Variants in DCUN1D2 observed in about 807,000 individuals in gnomAD.
The protein encoded by DCUN1D2 is DCN1-like protein 2.
A neutral mutation model predicts 30.9 loss-of-function variants in DCUN1D2; 29 were observed. The ratio of observed to expected loss-of-function variants is 0.94; its 90% CI spans 0.70 to 1.28. The LOEUF (loss-of-function observed/expected upper bound fraction) is 1.28. Ranked by LOEUF, DCUN1D2 falls within the 50% of genes most tolerant of loss-of-function variation. DCUN1D2 has a pLI of 0.00. For synonymous variants in DCUN1D2, 121 were observed against 115.3 expected (o/e 1.05, Z -0.32); for missense variants, 325 against 316.9 (o/e 1.03, Z -0.19).
At chr13:113,459,737 T>A (rs2044288265) in intron 5 of DCUN1D2, among the ~76,000 whole-genome samples, 1 of 152,346 alleles carries the variant, frequency 6.6e-6, no homozygotes, top group African/African-American at 2.4e-5. Context: ...GAACAGCTCA[T>A]AAGCTTGTCT....
intron 3 of DCUN1D2, chr13:113,475,340 T>C (rs576386690): frequency 6.6e-6 from 1 of 152,226 alleles, no homozygotes; most frequent in Non-Finnish European, 1.5e-5. Flanking sequence ...AGACACAGAC[T>C]TACCATTGTG....
intron 4 of DCUN1D2, among the ~76,000 whole-genome samples, chr13:113,471,281 CCAACTCCACAGAAGACA>C (rs1373274886): frequency 1.4e-3 from 211 of 149,720 alleles, no homozygotes; most frequent in African/African-American, 3.2e-3. Context: ...CACAGGGGAC[CCAACTCCACAGAAGACA>C]CAACTCCACA....
chr13:113,464,606 G>T (rs1366852503), intron 4 of DCUN1D2, among the ~76,000 whole-genome samples: 5 of 152,270 alleles, frequency 3.3e-5, no homozygotes, highest in Non-Finnish European at 7.3e-5. Flanking sequence ...GCAGTTGGAC[G>T]TTGCTGCGGG....
At chr13:113,472,633 A>G (rs753734826) in intron 4 of DCUN1D2, among the ~76,000 whole-genome samples, 1 of 152,158 alleles carries the variant, frequency 6.6e-6, no homozygotes, top group Non-Finnish European at 1.5e-5. Flanking sequence ...GGCACCCAAC[A>G]CCAGGAGACA....
intron 4 of DCUN1D2, among the ~76,000 whole-genome samples, chr13:113,473,780 G>A (rs980325819): frequency 5.3e-5 from 8 of 152,206 alleles, no homozygotes; most frequent in African/African-American, 1.9e-4. Flanking sequence ...AAGAATGCCT[G>A]AGCTCAGGAG....
intron 1 of DCUN1D2, among the ~76,000 whole-genome samples, chr13:113,487,514 T>C (rs934600698): frequency 1.3e-5 from 2 of 152,018 alleles, no homozygotes; most frequent in African/African-American, 2.4e-5. Context: ...CTGCACAGTG[T>C]ACGACTCCAG....
intron 1 of DCUN1D2, chr13:113,489,035 C>T (rs776761030): frequency 5.2e-5 from 40 of 765,002 alleles, no homozygotes; most frequent in Non-Finnish European, 4.8e-5. Flanking sequence ...ACCAAGGATA[C>T]CCATATGTAA....
chr13:113,467,517 A>AT (rs1300194223), intron 4 of DCUN1D2, among the ~76,000 whole-genome samples: 43 of 151,066 alleles, frequency 2.8e-4, no homozygotes, highest in African/African-American at 9.5e-4. Context: ...AAAAAAGGAG[A>AT]TTTTTAGTCC....
chr13:113,479,981 ACCACTGTTGTATAAGCGGT>A (rs971469749), intron 3 of DCUN1D2, among the ~76,000 whole-genome samples: 10 of 152,204 alleles, frequency 6.6e-5, no homozygotes, highest in African/African-American at 2.2e-4. Flanking sequence ...ACCTTACGGG[ACCACTGTTGTATAAGCGGT>A]CCACTGTTGA....
At chr13:113,466,037 C>T (rs1214692673) in intron 4 of DCUN1D2, among the ~76,000 whole-genome samples, 1 of 152,108 alleles carries the variant, frequency 6.6e-6, no homozygotes, top group Non-Finnish European at 1.5e-5. Flanking sequence ...AGGTGTGTGC[C>T]ACCAGACTCA....
At chr13:113,458,420 G>C (rs79244574) in intron 6 of DCUN1D2, among the ~76,000 whole-genome samples, 7,307 of 152,226 alleles carry the variant, frequency 0.048, 610 homozygotes, top group African/African-American at 0.17. Context: ...GGACCCCCGC[G>C]GAGCAGGAGG....
At chr13:113,469,182 G>C (rs2044461942) in intron 4 of DCUN1D2, among the ~76,000 whole-genome samples, 1 of 150,408 alleles carries the variant, frequency 6.6e-6, no homozygotes, top group African/African-American at 2.4e-5. Flanking sequence ...ACAGCCAAGA[G>C]GGAGCACCAT....
chr13:113,467,635 C>T (rs190047832), intron 4 of DCUN1D2, among the ~76,000 whole-genome samples: 29 of 152,234 alleles, frequency 1.9e-4, no homozygotes, highest in African/African-American at 6.5e-4. Flanking sequence ...GTTGGATGCT[C>T]AGCTTCGTTG....
chr13:113,480,389 G>C (rs2044687753), intron 3 of DCUN1D2, 186 bp downstream of exon 3: 1 of 472,192 alleles, frequency 2.1e-6, no homozygotes. Flanking sequence ...ATGAAATAAA[G>C]TGTTAAATTG....
At position 113,490,526 on chromosome 13, in the gene DCUN1D2, G is replaced by T; in HGVS notation, c.3+141C>A. 1.1e-6 allele frequency: 1 copy of T among 914,648 alleles called. No individual in the cohort carries two copies. Among genetic ancestry groups the T allele is most frequent in the Non-Finnish European group, 1.4e-6 (1 of 697,860 alleles). 56.7% of individuals were successfully genotyped at this position (914,648 alleles called of 1,614,324 possible). On this transcript the variant is annotated intron_variant, in intron 1 of 6. Coordinates refer to ENST00000478244, the MANE Select transcript of DCUN1D2 (RefSeq NM_001014283.2). The surrounding 1 kb of genome is among the most constrained non-coding windows in gnomAD (Gnocchi z 5.2). ...GCTCCGGCTCGCGGGCCCGCGGCGC[G>T]TTCCTCCCTCGGATCCACGCGGAAC...
At chr13:113,458,608 T>C (rs2044265990) in intron 6 of DCUN1D2, among the ~76,000 whole-genome samples, 1 of 152,236 alleles carries the variant, frequency 6.6e-6, no homozygotes, top group Non-Finnish European at 1.5e-5. Context: ...GATTCAGTGA[T>C]CCCTTCTTTC....
Position 113,481,437 on chromosome 13 carries a change from G to A in DCUN1D2, c.221-694C>T, listed in dbSNP as rs528249153. Among the ~76,000 whole-genome samples, 7 of 152,330 alleles carry A rather than the reference G, an allele frequency of 4.6e-5. No individual in the cohort carries two copies. In the East Asian group the frequency reaches 5.8e-4, roughly 13 times the overall value. On this transcript the variant is annotated intron_variant, in intron 2 of 6. Coordinates refer to ENST00000478244, the MANE Select transcript of DCUN1D2 (RefSeq NM_001014283.2). ...AGATTATATCATATTATCATAATGC[G>A]TAGGTAAATTGTTGGTTTAGAAGGT...
intron 4 of DCUN1D2, among the ~76,000 whole-genome samples, chr13:113,472,305 A>G (rs1468865137): frequency 1.3e-5 from 2 of 152,190 alleles, no homozygotes; most frequent in African/African-American, 4.8e-5. Flanking sequence ...AAAAAATAAA[A>G]AAATAAAAAG....
At chr13:113,486,747 C>A (rs2260889) in intron 1 of DCUN1D2, among the ~76,000 whole-genome samples, 29,087 of 152,052 alleles carry the variant, frequency 0.19, 3,697 homozygotes, top group African/African-American at 0.36. Flanking sequence ...ATGGCTTAAG[C>A]CCATCTGCAA....
Sources: allele counts gnomAD v4.1 joint callset (sites outside exome capture counted in the v4.1 genomes callset), GRCh38; gene constraint gnomAD v4.1.1; non-coding constraint Gnocchi (gnomAD v3.1); transcripts MANE v1.5; gene names NCBI Gene and HGNC (gene_info 2026-07-23, HGNC 2026-07-21).